The following PRKN variants were observed in gnomAD, a reference collection of about 807,000 sequenced individuals.
The protein encoded by PRKN is E3 ubiquitin-protein ligase parkin.
In PRKN, 56 loss-of-function variants were observed where a neutral mutation model predicts 59.5. The observed-to-expected ratio is 0.94, with a 90% CI of 0.76 to 1.18. The LOEUF is 1.18. Among genes scored for constraint, PRKN ranks in the 50% most tolerant of loss-of-function variants. The probability of loss-of-function intolerance (pLI) is 0.00; values close to 1 mark genes in which losing one functional copy is unlikely to be tolerated. For synonymous variants in PRKN, 250 were observed against 222.1 expected (o/e 1.13, Z -1.12); for missense variants, 657 against 596.4 (o/e 1.10, Z -1.06).
intron 1 of PRKN, among the ~76,000 whole-genome samples, chr6:162,556,026 TG>T: frequency 6.9e-6 from 1 of 145,222 alleles, no homozygotes; most frequent in Non-Finnish European, 1.5e-5. Flanking sequence ...GAACATAACT[TG>T]ATTGAGTGAG....
intron 1 of PRKN, among the ~76,000 whole-genome samples, chr6:162,450,535 G>A (rs893412597): frequency 6.6e-6 from 1 of 152,206 alleles, no homozygotes; most frequent in Middle Eastern, 3.2e-3. Flanking sequence ...AACATCAACA[G>A]TGGTAAGTCA....
At chr6:162,220,478 A>G (rs1777878632) in intron 3 of PRKN, among the ~76,000 whole-genome samples, 1 of 152,170 alleles carries the variant, frequency 6.6e-6, no homozygotes, top group Non-Finnish European at 1.5e-5. Context: ...CATAAACGTA[A>G]AAGAGTGACT....
chr6:161,621,338 C>T (rs950294491), intron 7 of PRKN, among the ~76,000 whole-genome samples: 1 of 151,992 alleles, frequency 6.6e-6, no homozygotes, highest in African/African-American at 2.4e-5. Context: ...AGTCCAAATC[C>T]CAAAACCTTG....
In PRKN at chr6:161,548,682, T is replaced by C. The variant is rs1208441762; in HGVS notation, c.1083+172A>G. 5 of 650,582 alleles carry C rather than the reference T, an allele frequency of 7.7e-6. No individual in the cohort carries two copies. The highest frequency in any genetic ancestry group is 8.0e-6 in the Non-Finnish European group (3 of 374,354). The allele number at this position is 650,582 out of a possible 1,614,324, so 40.3% of individuals were successfully genotyped here. On this transcript the variant is annotated intron_variant, in intron 9 of 11. Coordinates refer to ENST00000366898, the MANE Select transcript of PRKN (RefSeq NM_004562.3). This position sits in a 1 kb window ranked among gnomAD's most constrained non-coding sequence, Gnocchi z 4.2. ...TTTCACCAAAATAAATACATAAATT[T>C]TCAAATCTGGAGTCCTATAAAGGAA...
intron 2 of PRKN, among the ~76,000 whole-genome samples, chr6:162,307,045 T>C (rs1157843085): frequency 1.3e-5 from 2 of 152,180 alleles, no homozygotes; most frequent in African/African-American, 4.8e-5. Flanking sequence ...CCCACCCACC[T>C]ATAGGTCACA....
chr6:162,316,449 T>C (rs1414735049), intron 2 of PRKN, among the ~76,000 whole-genome samples: 2 of 152,098 alleles, frequency 1.3e-5, no homozygotes, highest in African/African-American at 2.4e-5. Context: ...AATTTAAGCA[T>C]AGGTGAGATT....
chr6:162,366,636 T>C (rs958479754), intron 2 of PRKN, among the ~76,000 whole-genome samples: 1 of 152,154 alleles, frequency 6.6e-6, no homozygotes, highest in African/African-American at 2.4e-5. Flanking sequence ...CCAGGCACGA[T>C]GGGTCATGCC....
chr6:161,794,703 C>T (rs1790768066), intron 6 of PRKN, among the ~76,000 whole-genome samples: 1 of 152,094 alleles, frequency 6.6e-6, no homozygotes, highest in South Asian at 2.1e-4. Flanking sequence ...CTTCCTTATG[C>T]TCCCATCCCT....
chr6:162,668,832 T>A, intron 1 of PRKN, among the ~76,000 whole-genome samples: 1 of 152,134 alleles, frequency 6.6e-6, no homozygotes, highest in East Asian at 1.9e-4. Flanking sequence ...TCAGCTGTAC[T>A]TCTTTCCTAT....
At chr6:162,543,128 A>T (rs891303472) in intron 1 of PRKN, among the ~76,000 whole-genome samples, 1 of 152,106 alleles carries the variant, frequency 6.6e-6, no homozygotes, top group African/African-American at 2.4e-5. Context: ...AGTCCCTCTG[A>T]TCACAATTTC....
At chr6:162,637,594 C>T (rs1163942997) in intron 1 of PRKN, among the ~76,000 whole-genome samples, 1 of 152,106 alleles carries the variant, frequency 6.6e-6, no homozygotes, top group African/African-American at 2.4e-5. Context: ...GAATTTCTAG[C>T]TTGAAATCAG....
In PRKN at chr6:162,235,534, G is replaced by A. The variant is rs147237284; in HGVS notation, c.412+26991C>T. ...AAAGAAATACTCCTCATGGCCGGGC[G>A]CAGTGGCTGAAGCCTCTAATCCCAG... On this transcript the variant is annotated intron_variant, in intron 3 of 11. Coordinates refer to ENST00000366898, the MANE Select transcript of PRKN (RefSeq NM_004562.3). Among the ~76,000 whole-genome samples, 1,485 of 152,274 alleles carry A rather than the reference G, an allele frequency of 9.8e-3. 9 individuals are homozygous for A. Among genetic ancestry groups the A allele is most frequent in the Non-Finnish European group, 0.015 (1,013 of 68,018 alleles).
chr6:161,984,280 T>C (rs2128255302), intron 5 of PRKN, among the ~76,000 whole-genome samples: 1 of 152,268 alleles, frequency 6.6e-6, no homozygotes, highest in African/African-American at 2.4e-5. Flanking sequence ...TATTTTGAGA[T>C]GGAGTCTCAT....
chr6:161,765,734 T>C (rs1165904824), intron 7 of PRKN, among the ~76,000 whole-genome samples: 1 of 152,182 alleles, frequency 6.6e-6, no homozygotes, highest in Non-Finnish European at 1.5e-5. Context: ...TGGTGGCATT[T>C]CATCCAACAA....
intron 2 of PRKN, among the ~76,000 whole-genome samples, chr6:162,325,472 A>G (rs980249798): frequency 6.6e-6 from 1 of 152,134 alleles, no homozygotes; most frequent in Non-Finnish European, 1.5e-5. Flanking sequence ...AAGGATTGGG[A>G]ACGCTGCCTC....
intron 5 of PRKN, among the ~76,000 whole-genome samples, chr6:162,007,307 C>A (rs996818317): frequency 1.3e-5 from 2 of 152,038 alleles, no homozygotes; most frequent in Non-Finnish European, 2.9e-5. Context: ...CCATGGGGTT[C>A]ATTCTTTCAT....
intron 2 of PRKN, among the ~76,000 whole-genome samples, chr6:162,377,125 T>G (rs1434455729): frequency 6.6e-6 from 1 of 152,140 alleles, no homozygotes; most frequent in Non-Finnish European, 1.5e-5. Flanking sequence ...TTTTTGTTTC[T>G]TACTCATTTC....
At chr6:162,370,518 AC>A (rs1250430328) in intron 2 of PRKN, among the ~76,000 whole-genome samples, 1 of 152,008 alleles carries the variant, frequency 6.6e-6, no homozygotes, top group African/African-American at 2.4e-5. Flanking sequence ...AAAAAGTACT[AC>A]TTATCCCATT....
intron 7 of PRKN, among the ~76,000 whole-genome samples, chr6:161,620,793 T>C (rs1782867521): frequency 6.6e-6 from 1 of 152,204 alleles, no homozygotes; most frequent in Non-Finnish European, 1.5e-5. Context: ...TAAAAAACCT[T>C]CAAGCTCTTC....
Sources: allele counts gnomAD v4.1 joint callset (sites outside exome capture counted in the v4.1 genomes callset), GRCh38; gene constraint gnomAD v4.1.1; non-coding constraint Gnocchi (gnomAD v3.1); transcripts MANE v1.5; gene names NCBI Gene and HGNC (gene_info 2026-07-23, HGNC 2026-07-21).